The following TNFAIP1 variants were observed in gnomAD, a reference collection of about 807,000 sequenced individuals.
The protein encoded by TNFAIP1 is BTB/POZ domain-containing adapter for CUL3-mediated RhoA degradation protein 2.
In TNFAIP1, 20 loss-of-function variants were observed where a neutral mutation model predicts 32.6. That is an observed-to-expected ratio of 0.61 (90% confidence interval 0.43 to 0.89). TNFAIP1 has a LOEUF of 0.89. Ranked by LOEUF, TNFAIP1 falls within the 40% of genes least tolerant of loss-of-function variation. The pLI, the probability that TNFAIP1 is intolerant of heterozygous loss-of-function variation, is 0.00. For missense variants in TNFAIP1, 319 were observed against 425.1 expected (o/e 0.75, Z 2.20); for synonymous variants, 166 against 166.8 (o/e 1.00, Z 0.04).
chr17:28,343,625 C>T (rs1405941063), intron 6 of TNFAIP1, among the ~76,000 whole-genome samples: 5 of 151,938 alleles, frequency 3.3e-5, no homozygotes, highest in African/African-American at 7.3e-5. Flanking sequence ...GGTGATGCTG[C>T]GACGGAAGTG....
chr17:28,344,240 C>T (rs1907463688), intron 6 of TNFAIP1, 124 bp from the exon 7 acceptor site: 10 of 833,630 alleles, frequency 1.2e-5, no homozygotes, highest in South Asian at 3.1e-5. Context: ...TCCCTGGAGA[C>T]GGACCGCCAC....
intron 4 of TNFAIP1, 28 bp downstream of exon 4, chr17:28,341,354 C>G: frequency 1.9e-6 from 3 of 1,614,140 alleles, no homozygotes; most frequent in Non-Finnish European, 2.5e-6. Flanking sequence ...GGGTGCGGGC[C>G]GGGGATGCCA....
chr17:28,340,389 C>G lies in TNFAIP1; in HGVS notation c.286C>G (p.Gln96Glu). 1 of 1,614,104 alleles carries G rather than the reference C, an allele frequency of 6.2e-7. No individual in the cohort carries two copies. The highest frequency in any genetic ancestry group is 8.5e-7 in the Non-Finnish European group (1 of 1,179,994). ...YLRDDTITLP[Q>E]NRQEIKELMA... ...CCGAGATGACACCATCACCCTCCCT[C>G]AGAACCGGCAAGAAATCAAGGAATT... is the stretch of plus-strand genomic sequence containing the variant. The change falls in exon 3 of 7, where the codon CAG becomes GAG. Residue 96 changes from glutamine (Q) to glutamate (E), a missense_variant. Gln to Glu is a conservative substitution (Grantham distance 29, BLOSUM62 2). Transcript: ENST00000226225. The surrounding 1 kb of genome is among the most constrained non-coding windows in gnomAD (Gnocchi z 4.1).
intron 1 of TNFAIP1, among the ~76,000 whole-genome samples, chr17:28,338,884 A>T (rs1191244358): frequency 6.6e-6 from 1 of 151,768 alleles, no homozygotes; most frequent in Non-Finnish European, 1.5e-5. Context: ...TGATGAGGTG[A>T]CCAGGGCAGG....
In TNFAIP1 at chr17:28,340,540, G is replaced by C; in HGVS notation, c.375+62G>C. 6.3e-7 allele frequency: 1 copy of C among 1,577,224 alleles called. No homozygotes were observed. Among genetic ancestry groups the C allele is most frequent in the Non-Finnish European group, 8.7e-7 (1 of 1,153,756 alleles). ...GTCAGGAGTTGCCCCCTTCTTGTGG[G>C]ATGGAGGACTCTGGTTCCTGGCAGG... On this transcript the variant is annotated intron_variant, in intron 3 of 6. Transcript: ENST00000226225. The surrounding 1 kb of genome is among the most constrained non-coding windows in gnomAD (Gnocchi z 4.1).
chr17:28,341,672 G>A (rs1162796539), intron 5 of TNFAIP1, among the ~76,000 whole-genome samples: 2 of 152,208 alleles, frequency 1.3e-5, no homozygotes, highest in African/African-American at 4.8e-5. Context: ...GGTGAAATGC[G>A]CCCTCAACGT....
rs1298931931 is a variant in TNFAIP1, at chr17:28,340,810, T to C, written c.375+332T>C. ...CCCAGGCTGGAGTGCAGTGGTGCGA[T>C]GTCAGCTCACTGCAACTTCTGCCTC... On this transcript the variant is annotated intron_variant, in intron 3 of 6. Coordinates refer to ENST00000226225, the MANE Select transcript of TNFAIP1 (RefSeq NM_021137.5). This position sits in a 1 kb window ranked among gnomAD's most constrained non-coding sequence, Gnocchi z 4.1. 2.4e-4 allele frequency among the ~76,000 whole-genome samples: 36 copies of C among 152,216 alleles called. No individual in the cohort carries two copies. Among genetic ancestry groups the C allele is most frequent in the Admixed American group, 2.2e-3 (33 of 15,286 alleles).
chr17:28,346,776 G>A lies in TNFAIP1; in HGVS notation c.*2176G>A, dbSNP rs904159817. 6.6e-6 allele frequency: 1 copy of A among 152,302 alleles called. No homozygotes were observed. Among genetic ancestry groups the A allele is most frequent in the Admixed American group, 6.5e-5 (1 of 15,300 alleles). 9.4% of individuals were successfully genotyped at this position (152,302 alleles called of 1,614,324 possible). On this transcript the variant is annotated 3_prime_UTR_variant, in exon 7 of 7. Transcript: ENST00000226225. ...CCCAGGGGTAAGTAAACAAAGTATG[G>A]ATGAAGGTCAGATTTTCTTGTCAGT...
rs1440639497 is a variant in TNFAIP1, at chr17:28,339,613, AG to A, written c.93del (p.Gln31HisfsTer16). The A allele has an allele frequency of 3.1e-6, 5 of 1,613,912 alleles. No individual in the cohort carries two copies. The highest frequency in any genetic ancestry group is 1.3e-5 in the African/African-American group (1 of 74,938). Reference sequence around the variant, plus strand: ...GGAGGGTTGGGCAACAAGTATGTCCAGCTCAACGTGGGCGGCTCTCTGTACT... The same window carrying A: ...GGAGGGTTGGGCAACAAGTATGTCCACTCAACGTGGGCGGCTCTCTGTACT... ...KGGGLGNKYV[Q>X]LNVGGSLYYT... On this transcript the variant is annotated frameshift_variant, in exon 2 of 7. Transcript: ENST00000226225. LOFTEE classifies it high-confidence loss of function.
chr17:28,343,190 A>T (rs938131805), intron 6 of TNFAIP1, among the ~76,000 whole-genome samples: 1 of 152,066 alleles, frequency 6.6e-6, no homozygotes, highest in African/African-American at 2.4e-5. Context: ...ACTGGCCCCA[A>T]CCAGCTGGGG....
Position 28,344,489 on chromosome 17 carries a change from T to C in TNFAIP1, c.840T>C (p.Ser280=). The change falls in exon 7 of 7, where the codon AGT becomes AGC. Residue 280 remains serine, a synonymous_variant. Coordinates refer to ENST00000226225, the MANE Select transcript of TNFAIP1 (RefSeq NM_021137.5). ...TSRSRSQASP[S]EDEETFELRD... ...GTAGCCGCAGCCAGGCTTCCCCCAGTGAAGATGAGGAGACCTTTGAACTGC... is the reference window on the plus strand; with the variant it reads ...GTAGCCGCAGCCAGGCTTCCCCCAGCGAAGATGAGGAGACCTTTGAACTGC... 2 of 1,613,984 alleles carry C rather than the reference T, an allele frequency of 1.2e-6. No individual in the cohort carries two copies. Among genetic ancestry groups the C allele is most frequent in the South Asian group, 1.1e-5 (1 of 91,080 alleles).
chr17:28,341,151 C>T (rs560108839), intron 3 of TNFAIP1, 86 bp from the exon 4 acceptor site: 1 of 1,425,188 alleles, frequency 7.0e-7, no homozygotes, highest in Non-Finnish European at 9.9e-7. Context: ...AGCGGGTGGC[C>T]ATGGCAGAGG....
At position 28,342,421 on chromosome 17, in the gene TNFAIP1, C is replaced by T. The variant is rs2234119; in HGVS notation, c.693C>T (p.Ala231=). The part of the protein sequence containing the change: ...AEVCCTSIVY[A]TEKKQTKVEF... ...TGTGCTGTACCTCCATCGTGTATGCCACGGAGAAGAAGCAGACCAAGGTGT... is the reference window on the plus strand; with the variant it reads ...TGTGCTGTACCTCCATCGTGTATGCTACGGAGAAGAAGCAGACCAAGGTGT... The change falls in exon 6 of 7, where the codon GCC becomes GCT. Residue 231 remains alanine, a synonymous_variant. Coordinates refer to ENST00000226225, the MANE Select transcript of TNFAIP1 (RefSeq NM_021137.5). The surrounding 1 kb of genome is among the most constrained non-coding windows in gnomAD (Gnocchi z 4.0). 5 of 1,585,278 alleles carry T rather than the reference C, an allele frequency of 3.2e-6. No individual in the cohort carries two copies. In the Admixed American group the frequency reaches 8.4e-5, roughly 27 times the overall value.
rs1907578579 is a variant in TNFAIP1, at chr17:28,346,639, T to TTAATCATGATTAAAGAC, written c.*2039_*2040insTAATCATGATTAAAGAC. On this transcript the variant is annotated 3_prime_UTR_variant, in exon 7 of 7. Transcript: ENST00000226225. ...AACATTGAACTCACTGACATGATCT[T>TTAATCATGATTAAAGAC]AGCTTCTTTAATCAGACTTTGTGAC... 2 of 152,246 alleles carry TTAATCATGATTAAAGAC rather than the reference T, an allele frequency of 1.3e-5. No individual in the cohort carries two copies. Among genetic ancestry groups the TTAATCATGATTAAAGAC allele is most frequent in the Non-Finnish European group, 2.9e-5 (2 of 68,032 alleles). 9.4% of individuals were successfully genotyped at this position (152,246 alleles called of 1,614,324 possible).
At chr17:28,337,777 C>G (rs1305076661) in intron 1 of TNFAIP1, among the ~76,000 whole-genome samples, 1 of 152,166 alleles carries the variant, frequency 6.6e-6, no homozygotes. Flanking sequence ...TTTTCCTGTC[C>G]CTTTGTCTAA....
chr17:28,343,705 G>C (rs1412783807), intron 6 of TNFAIP1, among the ~76,000 whole-genome samples: 22 of 151,960 alleles, frequency 1.4e-4, no homozygotes, highest in African/African-American at 5.3e-4. Flanking sequence ...CAACATGCCT[G>C]TGAGACACGC....
chr17:28,346,022 C>G lies in TNFAIP1; in HGVS notation c.*1422C>G, dbSNP rs1555578892. On this transcript the variant is annotated 3_prime_UTR_variant, in exon 7 of 7. Coordinates refer to ENST00000226225, the MANE Select transcript of TNFAIP1 (RefSeq NM_021137.5). ...AGCCACGTATAGTACCCACTTTCTG[C>G]TCTTTGGAGAGAACACAGGTTATCA... The G allele has an allele frequency of 6.6e-6, 1 of 152,224 alleles. No homozygotes were observed. The highest frequency in any genetic ancestry group is 2.4e-5 in the African/African-American group (1 of 41,456). 9.4% of individuals were successfully genotyped at this position (152,224 alleles called of 1,614,324 possible). A position where few individuals can be genotyped will look rare whatever the true frequency, so the allele number is the denominator to read the frequency against.
chr17:28,344,630 G>T lies in TNFAIP1; in HGVS notation c.*30G>T. On this transcript the variant is annotated 3_prime_UTR_variant, in exon 7 of 7. Transcript: ENST00000226225. Reference sequence around the variant, plus strand: ...ACCCTCAGGGAGTCAGGGCACGGGAGGCCCTATCTCCCATCCTGTGGAACC... The same window carrying T: ...ACCCTCAGGGAGTCAGGGCACGGGATGCCCTATCTCCCATCCTGTGGAACC... 6.2e-7 allele frequency: 1 copy of T among 1,600,752 alleles called. No individual in the cohort carries two copies. Among genetic ancestry groups the T allele is most frequent in the Non-Finnish European group, 8.5e-7 (1 of 1,173,696 alleles).
Position 28,342,584 on chromosome 17 carries a change from A to T in TNFAIP1, c.714+142A>T. On this transcript the variant is annotated intron_variant, in intron 6 of 6. Coordinates refer to ENST00000226225, the MANE Select transcript of TNFAIP1 (RefSeq NM_021137.5). The surrounding 1 kb of genome is among the most constrained non-coding windows in gnomAD (Gnocchi z 4.0). ...AACACGGTAATGGTGCTGGGCAAGG[A>T]CAAGGCCAGAACAAGGGGTGTGGGG... 6 of 802,286 alleles carry T rather than the reference A, an allele frequency of 7.5e-6. No homozygotes were observed. The highest frequency in any genetic ancestry group is 1.1e-5 in the Non-Finnish European group (6 of 540,870). The allele number at this position is 802,286 out of a possible 1,614,324, so 49.7% of individuals were successfully genotyped here.
Sources: gnomAD v4.1 joint callset for allele counts (sites outside exome capture counted in the v4.1 genomes callset) on GRCh38, gnomAD v4.1.1 for gene constraint, Gnocchi (gnomAD v3.1) non-coding constraint, MANE v1.5 for transcripts, NCBI Gene and HGNC (gene_info 2026-07-23, HGNC 2026-07-21) for gene names.